Variants in SYTL4 observed in about 807,000 individuals in gnomAD.
SYTL4 encodes the protein synaptotagmin like 4.
Under a neutral mutation model 52.7 loss-of-function variants are expected in SYTL4, and 16 were observed. The ratio of observed to expected loss-of-function variants is 0.30; its 90% CI spans 0.21 to 0.46. The LOEUF is 0.46. SYTL4 is among the 20% of genes least tolerant of loss of function. SYTL4 has a pLI of 1.00. For missense variants in SYTL4, 423 were observed against 519.9 expected (o/e 0.81, Z 1.81); for synonymous variants, 160 against 186.6 (o/e 0.86, Z 1.16).
rs1197358747 is a variant in SYTL4, at chrX:100,704,256, G to A, written c.-164+555C>T. Among the ~76,000 whole-genome samples, 4 of 111,914 alleles carry A rather than the reference G, an allele frequency of 3.6e-5. No individual in the cohort carries two copies. In the East Asian group the frequency reaches 8.4e-4, roughly 23 times the overall value. ...AGCTGGAACTATAGACAGAGCCACC[G>A]TGCCCAGCAGAAGTCATTTTATTTC... On this transcript the variant is annotated intron_variant, in intron 3 of 19. Transcript: ENST00000372989.
At chrX:100,688,090 T>G in intron 13 of SYTL4, 1 of 296,656 alleles carries the variant, frequency 3.4e-6, no homozygotes, top group Non-Finnish European at 5.9e-6. Context: ...GAGGATAAGT[T>G]AAGGTTATTG....
intron 12 of SYTL4, 100 bp from the exon 13 acceptor site, chrX:100,688,543 A>T: frequency 5.1e-5 from 28 of 552,556 alleles, no homozygotes; most frequent in South Asian, 6.5e-5. Flanking sequence ...TGCCATGTGT[A>T]TGTGTACGCA....
At chrX:100,711,722 G>T (rs986692353) in intron 2 of SYTL4, among the ~76,000 whole-genome samples, 2 of 111,037 alleles carry the variant, frequency 1.8e-5, no homozygotes, top group Non-Finnish European at 3.8e-5. Context: ...GCCCAAATTT[G>T]GTGAACACTA....
intron 16 of SYTL4, chrX:100,685,589 G>T (rs1027853211): frequency 8.6e-6 from 1 of 115,874 alleles, no homozygotes; most frequent in Non-Finnish European, 1.8e-5. Flanking sequence ...CATAGCAATT[G>T]GAGCTCCATG....
At chrX:100,702,151 A>G in intron 4 of SYTL4, 44 bp from the exon 5 acceptor site, 5 of 510,307 alleles carry the variant, frequency 9.8e-6, no homozygotes, top group Non-Finnish European at 1.6e-5. Flanking sequence ...GATTTACTCA[A>G]GAATAGGCCC....
Position 100,688,420 on chromosome X carries a change from G to GTCTTCT in SYTL4, c.930_935dup (p.Glu310_Glu311dup). On this transcript the variant is annotated inframe_insertion, in exon 13 of 20. Transcript: ENST00000372989. ...GATGTAACTTCACTAGGTGGTCAAT[G>GTCTTCT]TCTTCTTCTTCTTCTTCCTCTTCCT... is the stretch of plus-strand genomic sequence containing the variant. The GTCTTCT allele has an allele frequency of 1.7e-6, 2 of 1,207,437 alleles. No individual in the cohort carries two copies. The highest frequency in any genetic ancestry group is 1.7e-5 in the African/African-American group (1 of 57,664).
chrX:100,731,249 G>A (rs144164301), intron 2 of SYTL4, among the ~76,000 whole-genome samples, 169 bp downstream of exon 2: 2,314 of 111,372 alleles, frequency 0.021, 71 homozygotes, highest in African/African-American at 0.072. Context: ...GAAGCATTCT[G>A]TGCCCCTTCT....
chrX:100,716,202 C>T (rs2147807454), intron 2 of SYTL4, among the ~76,000 whole-genome samples: 1 of 108,022 alleles, frequency 9.3e-6, no homozygotes, highest in South Asian at 4.1e-4. Context: ...GTAATCTCAG[C>T]ACTTTGGGAG....
intron 2 of SYTL4, among the ~76,000 whole-genome samples, chrX:100,713,473 G>A (rs1215910704): frequency 9.2e-6 from 1 of 109,217 alleles, no homozygotes; most frequent in Non-Finnish European, 1.9e-5. Flanking sequence ...AAACTTAGCT[G>A]GGTGTGGTGG....
At chrX:100,728,323 C>CA (rs1479092887) in intron 2 of SYTL4, among the ~76,000 whole-genome samples, 3 of 112,431 alleles carry the variant, frequency 2.7e-5, no homozygotes, top group Admixed American at 9.4e-5. Context: ...CTGAACATTT[C>CA]AAAACACTTT....
intron 2 of SYTL4, among the ~76,000 whole-genome samples, chrX:100,724,230 C>T (rs1388189757): frequency 1.9e-5 from 2 of 104,294 alleles, no homozygotes; most frequent in African/African-American, 7.1e-5. Flanking sequence ...CCAGCCGCCC[C>T]GTCCAGGAGG....
chrX:100,698,526 T>C (rs1389517168), intron 8 of SYTL4, among the ~76,000 whole-genome samples: 1 of 112,212 alleles, frequency 8.9e-6, no homozygotes, highest in African/African-American at 3.2e-5. Flanking sequence ...GGCCAAGATG[T>C]CCTCAGACTT....
intron 8 of SYTL4, among the ~76,000 whole-genome samples, chrX:100,697,388 G>A (rs1261928253): frequency 8.9e-6 from 1 of 112,212 alleles, no homozygotes; most frequent in African/African-American, 3.2e-5. Flanking sequence ...TTCAAGTTAA[G>A]GTGAGAAGAA....
At chrX:100,682,193 T>G (rs1569374593) in intron 16 of SYTL4, among the ~76,000 whole-genome samples, 1 of 111,392 alleles carries the variant, frequency 9.0e-6, no homozygotes, top group Non-Finnish European at 1.9e-5. Context: ...AACATTATAC[T>G]ACACTGCATA....
At chrX:100,683,119 T>TTTCACC (rs1454514607) in intron 16 of SYTL4, among the ~76,000 whole-genome samples, 1 of 96,643 alleles carries the variant, frequency 1.0e-5, no homozygotes, top group Non-Finnish European at 2.0e-5. Context: ...AGAGGTGCCC[T>TTTCACC]TTCACCTGCC....
At chrX:100,690,236 C>T (rs1602783555) in intron 10 of SYTL4, 71 bp from the exon 11 acceptor site, 1 of 793,692 alleles carries the variant, frequency 1.3e-6, no homozygotes, top group East Asian at 3.2e-5. Context: ...TAAGGAAGGA[C>T]AGTCTTAAGA....
At chrX:100,679,856 C>T (rs1430670305) in intron 17 of SYTL4, among the ~76,000 whole-genome samples, 1 of 111,810 alleles carries the variant, frequency 8.9e-6, no homozygotes, top group Non-Finnish European at 1.9e-5. Context: ...TTTCAATCCT[C>T]ACCTCCCAAT....
intron 2 of SYTL4, among the ~76,000 whole-genome samples, chrX:100,711,679 C>A (rs2084073505): frequency 9.0e-6 from 1 of 111,574 alleles, no homozygotes; most frequent in South Asian, 3.8e-4. Context: ...AAGCTACCTT[C>A]TATACATGTC....
chrX:100,690,359 T>C (rs2083570004), intron 10 of SYTL4, among the ~76,000 whole-genome samples, 194 bp from the exon 11 acceptor site: 1 of 110,146 alleles, frequency 9.1e-6, no homozygotes, highest in East Asian at 2.9e-4. Flanking sequence ...CTTCAGAAAA[T>C]GCTCCCAAGT....
Sources: gnomAD v4.1 joint callset for allele counts (sites outside exome capture counted in the v4.1 genomes callset) on GRCh38, gnomAD v4.1.1 for gene constraint, MANE v1.5 for transcripts, NCBI Gene and HGNC (gene_info 2026-07-23, HGNC 2026-07-21) for gene names.